The following CFB variants were observed in gnomAD, a reference collection of about 807,000 sequenced individuals.
CFB encodes complement factor B.
In CFB, 59 loss-of-function variants were observed where a neutral mutation model predicts 97.2. The ratio of observed to expected loss-of-function variants is 0.61; its 90% CI spans 0.49 to 0.75. The LOEUF (loss-of-function observed/expected upper bound fraction) is 0.75. Among genes scored for constraint, CFB ranks in the 30% least tolerant of loss-of-function variants. The pLI, the probability that CFB is intolerant of heterozygous loss-of-function variation, is 0.00. For missense variants in CFB, 771 were observed against 959.8 expected, an observed-to-expected ratio of 0.80 and a Z score of 2.60; for synonymous variants, 316 against 351.7, an observed-to-expected ratio of 0.90 and a Z score of 1.14.
At position 31,951,649 on chromosome 6, in the gene CFB, A is replaced by G; in HGVS notation, c.2139+45A>G. The G allele has an allele frequency of 6.2e-7, 1 of 1,613,008 alleles. No homozygotes were observed. The highest frequency in any genetic ancestry group is 8.5e-7 in the Non-Finnish European group (1 of 1,178,956). ...TCTGGGGAGATGCCAAGTGGTCAGC[A>G]TGGGCCCCAAAGCAGGAAAGCTCAA... On this transcript the variant is annotated intron_variant, in intron 17 of 17. Transcript: ENST00000425368. This position sits in a 1 kb window ranked among gnomAD's most constrained non-coding sequence, Gnocchi z 4.3.
In CFB at chr6:31,948,000, C is replaced by T. The variant is rs370358659; in HGVS notation, c.816C>T (p.Tyr272=). ...ACCCTTCAGGCTCCATGAACATCTA[C>T]CTGGTGCTAGATGGATCAGACAGCA... The part of the protein sequence containing the change: ...VLDPSGSMNI[Y]LVLDGSDSIG... The change falls in exon 6 of 18, where the codon TAC becomes TAT. Residue 272 remains tyrosine, a synonymous_variant. Transcript: ENST00000425368. The surrounding 1 kb of genome is among the most constrained non-coding windows in gnomAD (Gnocchi z 5.3). 1 of 1,614,058 alleles carries T rather than the reference C, an allele frequency of 6.2e-7. No homozygotes were observed. Among genetic ancestry groups the T allele is most frequent in the African/African-American group, 1.3e-5 (1 of 74,924 alleles).
chr6:31,948,440 G>A lies in CFB; in HGVS notation c.964G>A (p.Val322Ile). The A allele has an allele frequency of 1.9e-6, 3 of 1,614,194 alleles. No homozygotes were observed. Among genetic ancestry groups the A allele is most frequent in the Non-Finnish European group, 2.5e-6 (3 of 1,180,032 alleles). The change falls in exon 7 of 18, where the codon GTC becomes ATC. Residue 322 changes from valine (V) to isoleucine (I), a missense_variant. By Grantham distance (29) the Val-to-Ile change is conservative. Transcript: ENST00000425368. The part of the protein sequence containing the change: ...VTYATYPKIW[V>I]KVSEADSSNA... ...ATATGCCACATACCCCAAAATTTGG[G>A]TCAAAGTGTCTGAAGCAGACAGCAG...
rs1441581141 is a variant in CFB, at chr6:31,951,572, T to C, written c.2107T>C (p.Leu703=). 1 of 1,614,046 alleles carries C rather than the reference T, an allele frequency of 6.2e-7. No homozygotes were observed. The highest frequency in any genetic ancestry group is 8.5e-7 in the Non-Finnish European group (1 of 1,180,042). The change falls in exon 17 of 18, where the codon TTG becomes CTG. Residue 703 remains leucine (L), a synonymous_variant. Transcript: ENST00000425368. The surrounding 1 kb of genome is among the most constrained non-coding windows in gnomAD (Gnocchi z 4.3). ...CCTTGCAGGTGATTCTGGCGGCCCC[T>C]TGATAGTTCACAAGAGAAGTCGTTT... ...NTCRGDSGGP[L]IVHKRSRFIQ...
Position 31,948,860 on chromosome 6 carries a change from A to C in CFB, c.1067A>C (p.Lys356Thr). The C allele has an allele frequency of 6.2e-7, 1 of 1,613,026 alleles. No individual in the cohort carries two copies. The highest frequency in any genetic ancestry group is 8.5e-7 in the Non-Finnish European group (1 of 1,180,016). Reference protein sequence around the residue: ...DHKLKSGTNTKKALQAVYSMM... With the variant: ...DHKLKSGTNTTKALQAVYSMM... ...AAGTTGAAGTCAGGGACTAACACCAAGAAGGCCCTCCAGGCAGTGTACAGC... is the reference window on the plus strand; with the variant it reads ...AAGTTGAAGTCAGGGACTAACACCACGAAGGCCCTCCAGGCAGTGTACAGC... Residue 356 changes from lysine to threonine, a missense_variant, in exon 8 of 18, where the codon AAG becomes ACG. By Grantham distance (78) the Lys-to-Thr change is moderately conservative. Transcript: ENST00000425368.
Position 31,949,442 on chromosome 6 carries a change from G to A in CFB, c.1293G>A (p.Gly431=). 3.1e-6 allele frequency: 5 copies of A among 1,614,180 alleles called. No individual in the cohort carries two copies. Among genetic ancestry groups the A allele is most frequent in the Non-Finnish European group, 4.2e-6 (5 of 1,180,034 alleles). Residue 431 remains glycine, a synonymous_variant, in exon 10 of 18, where the codon GGG becomes GGA. Coordinates refer to ENST00000425368, the MANE Select transcript of CFB (RefSeq NM_001710.6). ...CAGATGTCTATGTGTTTGGGGTCGG[G>A]CCTTTGGTGAACCAAGTGAACATCA... ...DYLDVYVFGV[G]PLVNQVNINA...
At chr6:31,948,558 G>T in intron 7 of CFB, 46 bp downstream of exon 7, 1 of 1,612,754 alleles carries the variant, frequency 6.2e-7, no homozygotes. Context: ...GGGTCAGGAG[G>T]TTCAGGGTGG....
At chr6:31,949,737 CTCTGAGCACTTCAGAGA>C in intron 10 of CFB, 180 bp downstream of exon 10, 1 of 806,114 alleles carries the variant, frequency 1.2e-6, no homozygotes, top group Non-Finnish European at 2.0e-6. Flanking sequence ...AATCACAGAG[CTCTGAGCACTTCAGAGA>C]TCTTTCTATA....
In CFB at chr6:31,947,343, T is replaced by C; in HGVS notation, c.485-5T>C. ...TGCTTACCTCGATGTCTCATACCTC[T>C]GCAGCGGGGTACTGCTCCAACCCGG... On this transcript the variant is annotated splice_region_variant and splice_polypyrimidine_tract_variant and intron_variant, in intron 3 of 17. Coordinates refer to ENST00000425368, the MANE Select transcript of CFB (RefSeq NM_001710.6). The surrounding 1 kb of genome is among the most constrained non-coding windows in gnomAD (Gnocchi z 5.3). 6.2e-7 allele frequency: 1 copy of C among 1,612,998 alleles called. No individual in the cohort carries two copies. Among genetic ancestry groups the C allele is most frequent in the Non-Finnish European group, 8.5e-7 (1 of 1,180,028 alleles).
At position 31,946,941 on chromosome 6, in the gene CFB, C is replaced by G. The variant is rs1471403403; in HGVS notation, c.299-66C>G. On this transcript the variant is annotated intron_variant, in intron 2 of 17. Coordinates refer to ENST00000425368, the MANE Select transcript of CFB (RefSeq NM_001710.6). The surrounding 1 kb of genome is among the most constrained non-coding windows in gnomAD (Gnocchi z 6.4). Reference sequence around the variant, plus strand: ...TTCTCAGTGACATGGTCTCCGAGACCAGGAGGGATACACCTAAGGCAGCCT... The same window carrying G: ...TTCTCAGTGACATGGTCTCCGAGACGAGGAGGGATACACCTAAGGCAGCCT... 8 of 1,549,616 alleles carry G rather than the reference C, an allele frequency of 5.2e-6. No homozygotes were observed. The highest frequency in any genetic ancestry group is 2.2e-5 in the East Asian group (1 of 44,546).
At chr6:31,948,580 A>G (rs557087009) in intron 7 of CFB, 68 bp downstream of exon 7, 2 of 1,606,286 alleles carry the variant, frequency 1.2e-6, no homozygotes, top group South Asian at 2.2e-5. Context: ...GGGGGTCATG[A>G]GACTACCTTG....
Position 31,948,875 on chromosome 6 carries a change from C to G in CFB, c.1082C>G (p.Ala361Gly). The G allele has an allele frequency of 6.2e-7, 1 of 1,612,974 alleles. No homozygotes were observed. Among genetic ancestry groups the G allele is most frequent in the Non-Finnish European group, 8.5e-7 (1 of 1,180,004 alleles). The change falls in exon 8 of 18, where the codon GCA (alanine) becomes GGA (glycine). Residue 361 changes from alanine to glycine, a missense_variant. Transcript: ENST00000425368. ...SGTNTKKALQ[A>G]VYSMMSWPDD... ...ACTAACACCAAGAAGGCCCTCCAGGCAGTGTACAGCATGATGAGCTGGCCA... is the reference window on the plus strand; with the variant it reads ...ACTAACACCAAGAAGGCCCTCCAGGGAGTGTACAGCATGATGAGCTGGCCA...
At position 31,946,630 on chromosome 6, in the gene CFB, A is replaced by G. The variant is rs1771441736; in HGVS notation, c.298+24A>G. 2 of 1,595,724 alleles carry G rather than the reference A, an allele frequency of 1.3e-6. No individual in the cohort carries two copies. The highest frequency in any genetic ancestry group is 2.2e-5 in the East Asian group (1 of 44,838). On this transcript the variant is annotated intron_variant, in intron 2 of 17. Coordinates refer to ENST00000425368, the MANE Select transcript of CFB (RefSeq NM_001710.6). This position sits in a 1 kb window ranked among gnomAD's most constrained non-coding sequence, Gnocchi z 6.4. ...AGGTTTGAGGGCAATGAGTGTGGGC[A>G]GTGGCCTAAGGCAGAAACAGGGCAG...
At position 31,951,077 on chromosome 6, in the gene CFB, A is replaced by G; in HGVS notation, c.1856-67A>G. On this transcript the variant is annotated intron_variant, in intron 14 of 17. Transcript: ENST00000425368. The surrounding 1 kb of genome is among the most constrained non-coding windows in gnomAD (Gnocchi z 4.3). ...AGAAGGGCTTAGGGGACATCTACTG[A>G]GTGACAAAGGCAATGGGGAGATGAC... 1 of 1,586,064 alleles carries G rather than the reference A, an allele frequency of 6.3e-7. No homozygotes were observed. The highest frequency in any genetic ancestry group is 8.6e-7 in the Non-Finnish European group (1 of 1,156,534).
chr6:31,951,852 A>G lies in CFB; in HGVS notation c.2140-23A>G. 1.2e-6 allele frequency: 2 copies of G among 1,613,238 alleles called. No individual in the cohort carries two copies. The highest frequency in any genetic ancestry group is 1.7e-6 in the Non-Finnish European group (2 of 1,180,042). ...GATTAGGAATTCTACTGAATGATCC[A>G]TGGCACCCCACTGCCTCTGCAGGTT... On this transcript the variant is annotated intron_variant, in intron 17 of 17. Coordinates refer to ENST00000425368, the MANE Select transcript of CFB (RefSeq NM_001710.6). This position sits in a 1 kb window ranked among gnomAD's most constrained non-coding sequence, Gnocchi z 4.3.
In CFB at chr6:31,947,350, G is replaced by A; in HGVS notation, c.487G>A (p.Gly163Arg). The A allele has an allele frequency of 6.2e-7, 1 of 1,613,004 alleles. No homozygotes were observed. The highest frequency in any genetic ancestry group is 8.5e-7 in the Non-Finnish European group (1 of 1,180,024). ...GQTAICDNGAGYCSNPGIPIG... is the reference protein window; with the variant it reads ...GQTAICDNGARYCSNPGIPIG... ...CTCGATGTCTCATACCTCTGCAGCG[G>A]GGTACTGCTCCAACCCGGGCATCCC... Residue 163 changes from glycine (G) to arginine (R), a missense_variant and splice_region_variant, in exon 4 of 18, where the codon GGG becomes AGG. Gly to Arg is a moderately radical substitution (Grantham distance 125, BLOSUM62 -2). Transcript: ENST00000425368. The surrounding 1 kb of genome is among the most constrained non-coding windows in gnomAD (Gnocchi z 5.3).
intron 13 of CFB, 23 bp downstream of exon 13, chr6:31,950,795 G>C: frequency 1.2e-6 from 2 of 1,613,022 alleles, no homozygotes; most frequent in East Asian, 2.2e-5. Context: ...AGATCCCTGA[G>C]GAAAGGCTGG....
At position 31,947,863 on chromosome 6, in the gene CFB, A is replaced by T. The variant is rs774736668; in HGVS notation, c.760+20A>T. On this transcript the variant is annotated intron_variant, in intron 5 of 17. Coordinates refer to ENST00000425368, the MANE Select transcript of CFB (RefSeq NM_001710.6). This position sits in a 1 kb window ranked among gnomAD's most constrained non-coding sequence, Gnocchi z 5.3. The stretch of plus-strand genomic sequence containing the variant: ...GCCCAGGTTTGAAGACAGAGAAGGG[A>T]GGCAGGGCAGGGAACTGGGGGAAAA... The T allele has an allele frequency of 3.1e-6, 5 of 1,613,930 alleles. No individual in the cohort carries two copies. In the African/African-American group the frequency reaches 6.7e-5, roughly 22 times the overall value.
chr6:31,949,617 A>G, intron 10 of CFB, 60 bp downstream of exon 10: 3 of 1,598,088 alleles, frequency 1.9e-6, no homozygotes, highest in Middle Eastern at 1.7e-4. Context: ...GAAGTAATTC[A>G]TTCTTCCTCT....
rs1176128475 is a variant in CFB at position 31,947,532 on chromosome 6, A to G, written c.658+11A>G. Reference sequence around the variant, plus strand: ...AGCCTTCCTGCCAAGGTGACCTTTGACCTGTACCCCCAGGTCAGATCCTGG... The same window carrying G: ...AGCCTTCCTGCCAAGGTGACCTTTGGCCTGTACCCCCAGGTCAGATCCTGG... On this transcript the variant is annotated intron_variant, in intron 4 of 17. Transcript: ENST00000425368. This position sits in a 1 kb window ranked among gnomAD's most constrained non-coding sequence, Gnocchi z 5.3. 1 of 1,612,680 alleles carries G rather than the reference A, an allele frequency of 6.2e-7. No homozygotes were observed. Among genetic ancestry groups the G allele is most frequent in the African/African-American group, 1.3e-5 (1 of 74,980 alleles).
Sources: gnomAD v4.1 joint callset for allele counts on GRCh38, gnomAD v4.1.1 for gene constraint, Gnocchi (gnomAD v3.1) non-coding constraint, MANE v1.5 for transcripts, NCBI Gene and HGNC (gene_info 2026-07-23, HGNC 2026-07-21) for gene names.